Variants in COG5 observed in about 807,000 individuals in gnomAD.
COG5 encodes the protein conserved oligomeric Golgi complex subunit 5.
A neutral mutation model predicts 110.4 loss-of-function variants in COG5; 86 were observed. The ratio of observed to expected loss-of-function variants is 0.78; its 90% CI spans 0.65 to 0.93. The LOEUF (loss-of-function observed/expected upper bound fraction) is 0.93, where lower values mean the gene tolerates loss of function less well. COG5 is among the 40% of genes least tolerant of loss of function. The probability of loss-of-function intolerance (pLI) is 0.00; values close to 1 mark genes in which losing one functional copy is unlikely to be tolerated. For missense variants in COG5, 1,077 were observed against 987.0 expected, an observed-to-expected ratio of 1.09 and a Z score of -1.22; for synonymous variants, 360 against 334.6, an observed-to-expected ratio of 1.08 and a Z score of -0.83.
chr7:107,496,675 C>A (rs2520244), intron 6 of COG5, among the ~76,000 whole-genome samples: 32,110 of 137,276 alleles, frequency 0.23, 4,316 homozygotes, highest in East Asian at 0.3. Context: ...AAACAAAAAA[C>A]AAAAAACAAA....
At chr7:107,390,385 C>T (rs1015859849) in intron 7 of COG5, among the ~76,000 whole-genome samples, 2 of 152,106 alleles carry the variant, frequency 1.3e-5, no homozygotes, top group African/African-American at 4.8e-5. Context: ...CGTCTGCAAG[C>T]CCTCGAGGCT....
chr7:107,457,364 A>G (rs936194352), intron 6 of COG5, among the ~76,000 whole-genome samples: 33 of 145,818 alleles, frequency 2.3e-4, no homozygotes, highest in Middle Eastern at 3.6e-3. Flanking sequence ...TATGAGGAGA[A>G]AAAAAAAAAA....
chr7:107,438,055 C>G (rs150867598), intron 6 of COG5, among the ~76,000 whole-genome samples: 1 of 152,096 alleles, frequency 6.6e-6, no homozygotes, highest in East Asian at 1.9e-4. Flanking sequence ...CTAGATTCAA[C>G]GCCTGAAGAT....
chr7:107,516,409 A>C (rs1295881521), intron 6 of COG5, among the ~76,000 whole-genome samples: 5 of 152,180 alleles, frequency 3.3e-5, no homozygotes, highest in African/African-American at 4.8e-5. Flanking sequence ...CCTTGTCCAC[A>C]GTTTGTCTTT....
intron 21 of COG5, chr7:107,208,002 G>GAT (rs1798898835): frequency 2.0e-6 from 2 of 985,276 alleles, no homozygotes; most frequent in Non-Finnish European, 2.4e-6. Flanking sequence ...GACATTTAAA[G>GAT]AGCAATACTC....
intron 14 of COG5, among the ~76,000 whole-genome samples, chr7:107,264,020 G>A (rs558983148): frequency 1.8e-4 from 28 of 152,074 alleles, no homozygotes; most frequent in Admixed American, 9.8e-4. Flanking sequence ...TGATGGCTCC[G>A]AAAAATGTCT....
chr7:107,243,543 C>A (rs1166415423), intron 17 of COG5, among the ~76,000 whole-genome samples: 1 of 148,040 alleles, frequency 6.8e-6, no homozygotes, highest in Admixed American at 6.7e-5. Context: ...ATCTCAAAGA[C>A]CTTCAAAGAC....
chr7:107,370,813 T>A (rs1814090560), intron 8 of COG5, among the ~76,000 whole-genome samples: 1 of 148,400 alleles, frequency 6.7e-6, no homozygotes, highest in Non-Finnish European at 1.5e-5. Context: ...TATATATATA[T>A]ATATACACAC....
chr7:107,261,074 C>T (rs1456415463), intron 14 of COG5, among the ~76,000 whole-genome samples: 4 of 152,014 alleles, frequency 2.6e-5, no homozygotes, highest in Non-Finnish European at 5.9e-5. Flanking sequence ...CCACGGTGGG[C>T]CCTGAGGAAC....
At chr7:107,248,985 A>G (rs1802272846) in intron 16 of COG5, among the ~76,000 whole-genome samples, 1 of 152,142 alleles carries the variant, frequency 6.6e-6, no homozygotes, top group African/African-American at 2.4e-5. Flanking sequence ...GATTTATTAT[A>G]TAGGAGTTTG....
chr7:107,453,764 A>G (rs1488643846), intron 6 of COG5, among the ~76,000 whole-genome samples: 1 of 152,190 alleles, frequency 6.6e-6, no homozygotes, highest in Non-Finnish European at 1.5e-5. Flanking sequence ...GATTCAAAAG[A>G]TTCAAATACT....
chr7:107,464,032 C>A (rs1385726535), intron 6 of COG5, among the ~76,000 whole-genome samples: 2 of 152,086 alleles, frequency 1.3e-5, no homozygotes, highest in Non-Finnish European at 2.9e-5. Context: ...GAATTTCTCT[C>A]CCTCCCTAAG....
chr7:107,553,809 C>T (rs544160064), intron 3 of COG5, among the ~76,000 whole-genome samples: 1 of 152,302 alleles, frequency 6.6e-6, no homozygotes, highest in Non-Finnish European at 1.5e-5. Flanking sequence ...TCTTCCACTA[C>T]TAGTCACTCT....
At chr7:107,353,375 A>C (rs1241017735) in intron 10 of COG5, among the ~76,000 whole-genome samples, 1 of 146,272 alleles carries the variant, frequency 6.8e-6, no homozygotes, top group Non-Finnish European at 1.5e-5. Context: ...CAGTGAGCCG[A>C]GATCCCGCCA....
At chr7:107,209,206 A>T in intron 21 of COG5, 1 of 985,396 alleles carries the variant, frequency 1.0e-6, no homozygotes, top group Non-Finnish European at 1.2e-6. Context: ...CCCCTGGGAG[A>T]GTTGAGAATG....
At chr7:107,508,561 T>A (rs752484706) in intron 6 of COG5, among the ~76,000 whole-genome samples, 13 of 152,332 alleles carry the variant, frequency 8.5e-5, no homozygotes, top group Non-Finnish European at 1.5e-4. Flanking sequence ...GCTGGAGATC[T>A]GAGAATGGGC....
intron 21 of COG5, among the ~76,000 whole-genome samples, chr7:107,207,368 C>T (rs551671134): frequency 6.6e-6 from 1 of 152,250 alleles, no homozygotes; most frequent in Admixed American, 6.5e-5. Context: ...AGATTGTGGA[C>T]CCTGGACCAT....
chr7:107,451,929 T>C (rs1435929788), intron 6 of COG5, among the ~76,000 whole-genome samples: 1 of 152,134 alleles, frequency 6.6e-6, no homozygotes, highest in Admixed American at 6.5e-5. Context: ...TTTGACTGCA[T>C]GGGGAGTCAG....
At chr7:107,310,265 C>G (rs557779522) in intron 11 of COG5, among the ~76,000 whole-genome samples, 1 of 152,248 alleles carries the variant, frequency 6.6e-6, no homozygotes, top group South Asian at 2.1e-4. Context: ...ATTAATATAC[C>G]GATCACACAG....
Sources: gnomAD v4.1 joint callset for allele counts (sites outside exome capture counted in the v4.1 genomes callset) on GRCh38, gnomAD v4.1.1 for gene constraint, MANE v1.5 for transcripts, NCBI Gene and HGNC (gene_info 2026-07-23, HGNC 2026-07-21) for gene names.